The following ZNF385B variants were observed in gnomAD, a reference collection of about 807,000 sequenced individuals.
The protein encoded by ZNF385B is zinc finger protein 533.
A neutral mutation model predicts 39.2 loss-of-function variants in ZNF385B; 23 were observed. That is an observed-to-expected ratio of 0.59 (90% CI 0.42 to 0.83). The LOEUF (loss-of-function observed/expected upper bound fraction) is 0.83, where lower values mean the gene tolerates loss of function less well. Among genes scored for constraint, ZNF385B ranks in the 40% least tolerant of loss-of-function variants. ZNF385B has a pLI of 0.00. For synonymous variants in ZNF385B, 205 were observed against 222.6 expected, an observed-to-expected ratio of 0.92 and a Z score of 0.70; for missense variants, 552 against 598.9, an observed-to-expected ratio of 0.92 and a Z score of 0.82.
intron 3 of ZNF385B, among the ~76,000 whole-genome samples, chr2:179,612,215 G>T (rs1689346837): frequency 6.6e-6 from 1 of 152,044 alleles, no homozygotes; most frequent in Non-Finnish European, 1.5e-5. Flanking sequence ...TCCAGGATTG[G>T]TCCTTGATGC....
intron 3 of ZNF385B, among the ~76,000 whole-genome samples, chr2:179,676,009 G>A (rs1229261360): frequency 2.0e-5 from 3 of 150,848 alleles, no homozygotes; most frequent in Non-Finnish European, 3.0e-5. Context: ...GGCTGGTCTC[G>A]AACTCCTGAC....
intron 3 of ZNF385B, among the ~76,000 whole-genome samples, chr2:179,682,885 A>G (rs1697629041): frequency 6.6e-6 from 1 of 152,310 alleles, no homozygotes; most frequent in South Asian, 2.1e-4. Flanking sequence ...GTTCCTGGTC[A>G]GGAAGCACAG....
At chr2:179,716,796 A>G (rs969804514) in intron 3 of ZNF385B, among the ~76,000 whole-genome samples, 12 of 152,180 alleles carry the variant, frequency 7.9e-5, no homozygotes, top group Non-Finnish European at 1.8e-4. Context: ...ATCAACAATC[A>G]GATTCTCCTA....
At chr2:179,452,528 A>T (rs181566776) in intron 6 of ZNF385B, among the ~76,000 whole-genome samples, 1 of 152,292 alleles carries the variant, frequency 6.6e-6, no homozygotes, top group Admixed American at 6.5e-5. Context: ...AAAAATTAAT[A>T]TTCTACCTAC....
rs563863729 is a variant in ZNF385B at position 179,743,973 on chromosome 2, G to A, written c.298+25530C>T. Among the ~76,000 whole-genome samples, 7 of 152,170 alleles carry A rather than the reference G, an allele frequency of 4.6e-5. No individual in the cohort carries two copies. The East Asian group carries it at 9.7e-4, about 21-fold the overall frequency. On this transcript the variant is annotated intron_variant, in intron 3 of 9. Coordinates refer to ENST00000410066, the MANE Select transcript of ZNF385B (RefSeq NM_152520.6). ...AAATCGCTTATATCAAATATAAGAT[G>A]TATTAAAGCCTTTCCCTCTCTCCAA...
intron 3 of ZNF385B, among the ~76,000 whole-genome samples, chr2:179,756,905 T>A (rs1703064335): frequency 6.6e-6 from 1 of 152,226 alleles, no homozygotes; most frequent in African/African-American, 2.4e-5. Context: ...ACAATGGGTT[T>A]GAACTTTCTC....
intron 3 of ZNF385B, among the ~76,000 whole-genome samples, chr2:179,661,611 C>T (rs1559048669): frequency 6.6e-6 from 1 of 152,168 alleles, no homozygotes; most frequent in Non-Finnish European, 1.5e-5. Context: ...CATTGCTCTA[C>T]CTTATTAGGT....
chr2:179,704,470 A>G (rs972601466), intron 3 of ZNF385B, among the ~76,000 whole-genome samples: 3 of 152,234 alleles, frequency 2.0e-5, no homozygotes, highest in East Asian at 3.8e-4. Flanking sequence ...AGAAAAAAAT[A>G]GACTTTTCAT....
chr2:179,641,872 A>G (rs1692296450), intron 3 of ZNF385B, among the ~76,000 whole-genome samples: 1 of 152,096 alleles, frequency 6.6e-6, no homozygotes, highest in Admixed American at 6.6e-5. Context: ...GATGCTTTCG[A>G]TGAAGGTGGG....
chr2:179,823,950 T>A (rs1331203789), intron 1 of ZNF385B, among the ~76,000 whole-genome samples: 1 of 152,178 alleles, frequency 6.6e-6, no homozygotes, highest in East Asian at 1.9e-4. Context: ...AGGTATTTAC[T>A]AGTTGGTGTA....
At chr2:179,740,999 G>A (rs1702056552) in intron 3 of ZNF385B, among the ~76,000 whole-genome samples, 1 of 152,088 alleles carries the variant, frequency 6.6e-6, no homozygotes, top group Admixed American at 6.6e-5. Context: ...TTATTTGGTG[G>A]GAGTAACATT....
intron 3 of ZNF385B, among the ~76,000 whole-genome samples, chr2:179,691,907 T>A (rs1296934329): frequency 1.3e-5 from 2 of 152,234 alleles, no homozygotes; most frequent in Admixed American, 6.5e-5. Flanking sequence ...ATTTATGGTA[T>A]ACATGTGATA....
At chr2:179,484,381 C>T (rs1239748256) in intron 5 of ZNF385B, among the ~76,000 whole-genome samples, 1 of 151,610 alleles carries the variant, frequency 6.6e-6, no homozygotes, top group Non-Finnish European at 1.5e-5. Flanking sequence ...AGAAACAAAA[C>T]TAAACATAAA....
chr2:179,680,880 A>G (rs971882701), intron 3 of ZNF385B, among the ~76,000 whole-genome samples: 2 of 152,142 alleles, frequency 1.3e-5, no homozygotes, highest in Non-Finnish European at 2.9e-5. Flanking sequence ...GATAAGAAGC[A>G]CTGAAAATTG....
chr2:179,651,525 C>T (rs1693191745), intron 3 of ZNF385B, among the ~76,000 whole-genome samples: 1 of 151,228 alleles, frequency 6.6e-6, no homozygotes, highest in Admixed American at 6.6e-5. Flanking sequence ...AAAATATAAC[C>T]AACATACTAT....
chr2:179,604,190 C>T (rs1368338863), intron 3 of ZNF385B, among the ~76,000 whole-genome samples: 1 of 152,112 alleles, frequency 6.6e-6, no homozygotes, highest in African/African-American at 2.4e-5. Flanking sequence ...AGGATTGGCA[C>T]AGCACCTGAC....
chr2:179,674,247 G>A (rs1033183102), intron 3 of ZNF385B, among the ~76,000 whole-genome samples: 1 of 152,140 alleles, frequency 6.6e-6, no homozygotes, highest in Non-Finnish European at 1.5e-5. Context: ...CGCAATTCCT[G>A]CTCTCATGGA....
intron 3 of ZNF385B, among the ~76,000 whole-genome samples, chr2:179,708,117 T>C (rs940691069): frequency 1.3e-5 from 2 of 152,208 alleles, no homozygotes; most frequent in South Asian, 2.1e-4. Flanking sequence ...CTGAAGCTGA[T>C]ATGGTTTGGC....
intron 3 of ZNF385B, among the ~76,000 whole-genome samples, chr2:179,658,855 G>A (rs1341500145): frequency 2.0e-5 from 3 of 152,054 alleles, no homozygotes; most frequent in African/African-American, 7.2e-5. Flanking sequence ...TCAGCTCACC[G>A]CAACTTTCGC....
Sources: allele counts gnomAD v4.1 joint callset (sites outside exome capture counted in the v4.1 genomes callset), GRCh38; gene constraint gnomAD v4.1.1; transcripts MANE v1.5; gene names NCBI Gene and HGNC (gene_info 2026-07-23, HGNC 2026-07-21).